FOXK2: variants seen among roughly 807,000 people sequenced by gnomAD.
FOXK2 encodes the protein forkhead box K2.
A neutral mutation model predicts 53.3 loss-of-function variants in FOXK2; 24 were observed. The ratio of observed to expected loss-of-function variants is 0.45; its 90% confidence interval spans 0.33 to 0.63. FOXK2 has a LOEUF of 0.63. Ranked by LOEUF, FOXK2 falls within the 30% of genes least tolerant of loss-of-function variation. FOXK2 has a pLI of 0.03. For missense variants in FOXK2, 952 were observed against 910.5 expected, an observed-to-expected ratio of 1.05 and a Z score of -0.59; for synonymous variants, 505 against 407.1, an observed-to-expected ratio of 1.24 and a Z score of -2.89.
At chr17:82,547,668 A>G (rs1021372650) in intron 1 of FOXK2, among the ~76,000 whole-genome samples, 1 of 152,150 alleles carries the variant, frequency 6.6e-6, no homozygotes, top group Non-Finnish European at 1.5e-5. Context: ...ACTTAAGGGT[A>G]CCTTTCAAAG....
rs533305713 is a variant in FOXK2 at position 82,603,196 on chromosome 17, C to G, written c.*1697C>G. 6.6e-6 allele frequency: 1 copy of G among 152,292 alleles called. No individual in the cohort carries two copies. The highest frequency in any genetic ancestry group is 1.5e-5 in the Non-Finnish European group (1 of 68,054). The allele number at this position is 152,292 out of a possible 1,614,324, so 9.4% of individuals were successfully genotyped here. ...AGCAAAACCATCACGTGACTGAGAC[C>G]GTGTGTGTGACCGCAGCAAAGCGCA... On this transcript the variant is annotated 3_prime_UTR_variant, in exon 9 of 9. Coordinates refer to ENST00000335255, the MANE Select transcript of FOXK2 (RefSeq NM_004514.4).
intron 4 of FOXK2, chr17:82,576,781 G>C: frequency 1.6e-6 from 1 of 617,318 alleles, no homozygotes; most frequent in Non-Finnish European, 2.9e-6. Context: ...CATTTTTATG[G>C]TGCTGTAATG....
chr17:82,575,968 G>C (rs112268660), intron 4 of FOXK2, among the ~76,000 whole-genome samples: 1 of 128,138 alleles, frequency 7.8e-6, no homozygotes, highest in African/African-American at 3.0e-5. Context: ...TGTGTGCTCG[G>C]GTGGCGGCGG....
At chr17:82,524,911 TG>T (rs1327821203) in intron 1 of FOXK2, among the ~76,000 whole-genome samples, 3 of 151,494 alleles carry the variant, frequency 2.0e-5, no homozygotes, top group African/African-American at 7.3e-5. Flanking sequence ...GAGGTCTGCC[TG>T]GGTCTGGTGG....
At chr17:82,596,046 C>T in intron 8 of FOXK2, 1 of 1,121,120 alleles carries the variant, frequency 8.9e-7, no homozygotes, top group Non-Finnish European at 1.1e-6. Flanking sequence ...CTCTGGCCTA[C>T]CGCAGTGGCC....
At chr17:82,577,837 A>C (rs1264400144) in intron 4 of FOXK2, among the ~76,000 whole-genome samples, 2 of 152,064 alleles carry the variant, frequency 1.3e-5, no homozygotes, top group African/African-American at 2.4e-5. Context: ...TCCTGGGTTC[A>C]AGTGGTTCTC....
At chr17:82,537,281 T>G (rs893929193) in intron 1 of FOXK2, among the ~76,000 whole-genome samples, 1 of 152,196 alleles carries the variant, frequency 6.6e-6, no homozygotes, top group Non-Finnish European at 1.5e-5. Context: ...GTTTAACATA[T>G]TATTAAATTT....
intron 1 of FOXK2, among the ~76,000 whole-genome samples, chr17:82,541,849 C>CT (rs900606254): frequency 1.3e-5 from 2 of 150,856 alleles, no homozygotes; most frequent in African/African-American, 4.9e-5. Context: ...GTAGTAGGGA[C>CT]TAGAGGCACA....
At chr17:82,527,620 CTT>C (rs1163112789) in intron 1 of FOXK2, among the ~76,000 whole-genome samples, 2 of 152,078 alleles carry the variant, frequency 1.3e-5, no homozygotes. Flanking sequence ...CATAGCAAGA[CTT>C]TGTCTCAAAA....
chr17:82,548,283 T>G (rs117228563), intron 1 of FOXK2, among the ~76,000 whole-genome samples: 22 of 152,192 alleles, frequency 1.4e-4, no homozygotes, highest in Admixed American at 1.4e-3. Flanking sequence ...CATATCCTTG[T>G]CAGCACTTGG....
intron 3 of FOXK2, among the ~76,000 whole-genome samples, chr17:82,569,987 C>T (rs2044896267): frequency 1.3e-5 from 2 of 152,116 alleles, no homozygotes; most frequent in Admixed American, 6.5e-5. Context: ...CTTTGGGAGG[C>T]CAAGGTGGGC....
At chr17:82,568,294 C>A in intron 3 of FOXK2, 93 bp downstream of exon 3, 1 of 1,450,304 alleles carries the variant, frequency 6.9e-7, no homozygotes, top group Non-Finnish European at 9.5e-7. Flanking sequence ...CCTGCCTGTC[C>A]AGTGACAGCC....
chr17:82,534,845 G>A (rs949960124), intron 1 of FOXK2, among the ~76,000 whole-genome samples: 1 of 152,186 alleles, frequency 6.6e-6, no homozygotes, highest in Non-Finnish European at 1.5e-5. Context: ...GCCTTTTCTT[G>A]TTGACACAAA....
chr17:82,547,589 T>C (rs1364031683), intron 1 of FOXK2, among the ~76,000 whole-genome samples: 2 of 152,220 alleles, frequency 1.3e-5, no homozygotes, highest in Non-Finnish European at 2.9e-5. Context: ...TTTATACATA[T>C]ATTAATATAT....
intron 2 of FOXK2, among the ~76,000 whole-genome samples, chr17:82,564,414 T>TTTA (rs1307466275): frequency 2.0e-5 from 3 of 151,916 alleles, no homozygotes; most frequent in African/African-American, 7.2e-5. Flanking sequence ...TGTTTTTTGT[T>TTTA]TTTAAGAGAT....
rs1218803413 is a variant in FOXK2, at chr17:82,587,091, C to T, written c.1605C>T (p.Gly535=). ...AAGTAGAGCCTATTCCCGCCATTGG[C>T]CACGCCACGCTCGGCACTGCCAGCC... ...KVKVEPIPAI[G]HATLGTASRI... Residue 535 remains glycine (G), a synonymous_variant, in exon 8 of 9, where the codon GGC becomes GGT. Coordinates refer to ENST00000335255, the MANE Select transcript of FOXK2 (RefSeq NM_004514.4). The T allele has an allele frequency of 3.1e-6, 5 of 1,612,842 alleles. No homozygotes were observed. Among genetic ancestry groups the T allele is most frequent in the South Asian group, 1.1e-5 (1 of 91,090 alleles).
intron 1 of FOXK2, among the ~76,000 whole-genome samples, chr17:82,561,748 G>C (rs970936975): frequency 6.6e-6 from 1 of 152,318 alleles, no homozygotes; most frequent in East Asian, 1.9e-4. Context: ...TCTTGGAGAC[G>C]TCCCTGAAGC....
intron 1 of FOXK2, among the ~76,000 whole-genome samples, chr17:82,550,689 T>C (rs1452422337): frequency 6.6e-6 from 1 of 151,934 alleles, no homozygotes. Context: ...TATTTTTTAA[T>C]AGAGACAGGG....
At chr17:82,576,917 T>C in intron 4 of FOXK2, 1 of 416,232 alleles carries the variant, frequency 2.4e-6, no homozygotes. Context: ...CCCAGCACTT[T>C]GGGAGGCTGT....
Sources: gnomAD v4.1 joint callset for allele counts (sites outside exome capture counted in the v4.1 genomes callset) on GRCh38, gnomAD v4.1.1 for gene constraint, MANE v1.5 for transcripts, NCBI Gene and HGNC (gene_info 2026-07-23, HGNC 2026-07-21) for gene names.